The following UBE2G1 variants were observed in gnomAD, a reference collection of about 807,000 sequenced individuals.
UBE2G1 encodes ubiquitin-conjugating enzyme E2 G1.
In UBE2G1, 5 loss-of-function variants were observed where a neutral mutation model predicts 22.7. The ratio of observed to expected loss-of-function variants is 0.22; its 90% CI spans 0.12 to 0.46. The LOEUF (loss-of-function observed/expected upper bound fraction) is 0.46. Among genes scored for constraint, UBE2G1 ranks in the 20% least tolerant of loss-of-function variants. UBE2G1 has a pLI of 0.99. For missense variants in UBE2G1, 88 were observed against 203.9 expected (o/e 0.43, Z 3.46); for synonymous variants, 74 against 67.5 (o/e 1.10, Z -0.47).
intron 2 of UBE2G1, among the ~76,000 whole-genome samples, chr17:4,299,608 C>G (rs1236245379): frequency 2.6e-5 from 4 of 152,090 alleles, no homozygotes; most frequent in Non-Finnish European, 5.9e-5. Context: ...CTGACTTAGA[C>G]CCTCTAAATT....
chr17:4,356,592 G>T (rs1334065468), intron 1 of UBE2G1, among the ~76,000 whole-genome samples: 1 of 152,136 alleles, frequency 6.6e-6, no homozygotes, highest in Non-Finnish European at 1.5e-5. Context: ...TGGTAGCTGT[G>T]CGTGGTGGCT....
intron 1 of UBE2G1, among the ~76,000 whole-genome samples, chr17:4,333,899 G>A (rs534913650): frequency 4.6e-5 from 7 of 152,174 alleles, no homozygotes; most frequent in South Asian, 4.2e-4. Flanking sequence ...AGTTGTACAC[G>A]TTCACAGTTT....
At chr17:4,359,688 C>T (rs895303144) in intron 1 of UBE2G1, among the ~76,000 whole-genome samples, 1 of 152,206 alleles carries the variant, frequency 6.6e-6, no homozygotes, top group Non-Finnish European at 1.5e-5. Flanking sequence ...TCCATCTCTA[C>T]TAAAAATACA....
rs931237722 is a variant in UBE2G1, at chr17:4,318,314, T to A, written c.47-11191A>T. ...CTGAATTATTTCTTTTGGAAAATAC[T>A]ACCCAGCTTCAAACCTCACGCCCAA... On this transcript the variant is annotated intron_variant, in intron 1 of 5. Transcript: ENST00000396981. Among the ~76,000 whole-genome samples the A allele has an allele frequency of 2.0e-5, 3 of 152,292 alleles. No homozygotes were observed. In the East Asian group the frequency reaches 5.8e-4, roughly 29 times the overall value.
At chr17:4,304,170 A>T (rs973409421) in intron 2 of UBE2G1, among the ~76,000 whole-genome samples, 8 of 150,552 alleles carry the variant, frequency 5.3e-5, no homozygotes, top group Admixed American at 1.3e-4. Flanking sequence ...TTATTTTTGT[A>T]TTTTTTTTTG....
At chr17:4,355,836 G>A (rs1489282464) in intron 1 of UBE2G1, among the ~76,000 whole-genome samples, 1 of 146,506 alleles carries the variant, frequency 6.8e-6, no homozygotes, top group Non-Finnish European at 1.5e-5. Context: ...GAGTAGCTGG[G>A]ATTACAGGTG....
At chr17:4,279,523 T>C (rs1373119448) in intron 5 of UBE2G1, among the ~76,000 whole-genome samples, 1 of 152,002 alleles carries the variant, frequency 6.6e-6, no homozygotes, top group African/African-American at 2.4e-5. Flanking sequence ...ACAAAACAGA[T>C]TTTTGGTGGT....
intron 1 of UBE2G1, among the ~76,000 whole-genome samples, chr17:4,320,063 C>T (rs896912655): frequency 6.6e-6 from 1 of 151,798 alleles, no homozygotes; most frequent in African/African-American, 2.4e-5. Flanking sequence ...CCTATTTTTA[C>T]ATTATCAGGA....
At chr17:4,280,796 G>T (rs980132066) in intron 5 of UBE2G1, among the ~76,000 whole-genome samples, 1 of 151,880 alleles carries the variant, frequency 6.6e-6, no homozygotes, top group Non-Finnish European at 1.5e-5. Flanking sequence ...ACTGTGCCTG[G>T]CTAATTTTTT....
chr17:4,336,470 C>T (rs1013797059), intron 1 of UBE2G1, among the ~76,000 whole-genome samples: 7 of 152,186 alleles, frequency 4.6e-5, no homozygotes, highest in East Asian at 1.9e-4. Context: ...ATCAAGATTA[C>T]AATCTATAAA....
Position 4,285,913 on chromosome 17 carries a change from T to C in UBE2G1, c.427-2992A>G, listed in dbSNP as rs554120426. Among the ~76,000 whole-genome samples the C allele has an allele frequency of 8.0e-5, 12 of 149,838 alleles. No individual in the cohort carries two copies. The East Asian group carries it at 2.2e-3, about 27-fold the overall frequency. On this transcript the variant is annotated intron_variant, in intron 4 of 5. Transcript: ENST00000396981. ...TTGCAGTGAGCTGAGATTGCACCAC[T>C]GCACTCCAGCCTGGCGACAGAGCGA...
intron 2 of UBE2G1, among the ~76,000 whole-genome samples, chr17:4,303,928 A>C (rs1037332444): frequency 9.2e-5 from 14 of 152,214 alleles, no homozygotes. Flanking sequence ...CTGGTGATGA[A>C]AGGAAAAGAG....
chr17:4,340,894 T>A (rs1219976735), intron 1 of UBE2G1, among the ~76,000 whole-genome samples: 27 of 111,108 alleles, frequency 2.4e-4, no homozygotes, highest in East Asian at 4.6e-4. Flanking sequence ...TTCACGTATT[T>A]AAAAAAAAAA....
intron 1 of UBE2G1, among the ~76,000 whole-genome samples, chr17:4,311,545 CAT>C (rs1391300299): frequency 4.6e-5 from 7 of 152,252 alleles, no homozygotes; most frequent in African/African-American, 7.2e-5. Context: ...TATAAAGTCA[CAT>C]GTTATATGAC....
At chr17:4,306,226 T>A (rs1177117405) in intron 2 of UBE2G1, among the ~76,000 whole-genome samples, 3 of 152,196 alleles carry the variant, frequency 2.0e-5, no homozygotes, top group African/African-American at 7.2e-5. Context: ...AACACTGATG[T>A]GTGTAATACA....
chr17:4,353,445 G>A (rs540739521), intron 1 of UBE2G1, among the ~76,000 whole-genome samples: 5 of 135,368 alleles, frequency 3.7e-5, no homozygotes, highest in East Asian at 2.0e-4. Flanking sequence ...ATAGAGTTTC[G>A]TTGATATATA....
chr17:4,307,307 G>T (rs1023284553), intron 1 of UBE2G1, among the ~76,000 whole-genome samples, 184 bp from the exon 2 acceptor site: 3 of 152,160 alleles, frequency 2.0e-5, no homozygotes, highest in Non-Finnish European at 4.4e-5. Context: ...AGAAAGCCCT[G>T]GGTAAAGCAA....
chr17:4,328,114 T>C (rs778361970), intron 1 of UBE2G1, among the ~76,000 whole-genome samples: 1 of 152,164 alleles, frequency 6.6e-6, no homozygotes, highest in Admixed American at 6.5e-5. Flanking sequence ...TTTCTTAGTT[T>C]TGGAAAGAAT....
intron 1 of UBE2G1, among the ~76,000 whole-genome samples, chr17:4,337,158 C>T (rs776011351): frequency 5.9e-5 from 9 of 151,860 alleles, no homozygotes; most frequent in Non-Finnish European, 1.0e-4. Context: ...ATCTCTGGTA[C>T]GACTGGGCCT....
Sources: allele counts gnomAD v4.1 joint callset (sites outside exome capture counted in the v4.1 genomes callset), GRCh38; gene constraint gnomAD v4.1.1; transcripts MANE v1.5; gene names NCBI Gene and HGNC (gene_info 2026-07-23, HGNC 2026-07-21).